PHACTR2: variants seen among roughly 807,000 people sequenced by gnomAD.
PHACTR2 encodes chromosome 6 open reading frame 56.
In PHACTR2, 30 loss-of-function variants were observed where a neutral mutation model predicts 76.0. That is an observed-to-expected ratio of 0.39 (90% confidence interval 0.30 to 0.54). The LOEUF (loss-of-function observed/expected upper bound fraction) is 0.54. PHACTR2 is among the 20% of genes least tolerant of loss of function. The probability of loss-of-function intolerance (pLI) is 0.61; values close to 1 mark genes in which losing one functional copy is unlikely to be tolerated. For missense variants in PHACTR2, 696 were observed against 781.1 expected (o/e 0.89, Z 1.30); for synonymous variants, 292 against 292.5 (o/e 1.00, Z 0.02).
At position 143,828,082 on chromosome 6, in the gene PHACTR2, GGA is replaced by G. The variant is rs1776583876; in HGVS notation, c.*4395_*4396del. On this transcript the variant is annotated 3_prime_UTR_variant, in exon 13 of 13. Coordinates refer to ENST00000440869, the MANE Select transcript of PHACTR2 (RefSeq NM_001100164.2). This position sits in a 1 kb window ranked among gnomAD's most constrained non-coding sequence, Gnocchi z 4.7. Reference sequence around the variant, plus strand: ...GGGAAATCGCTTAAACCCGGGAGGTGGAGGTTGCAGTGGGCCCAGATCGTGCC... The same window carrying G: ...GGGAAATCGCTTAAACCCGGGAGGTGGGTTGCAGTGGGCCCAGATCGTGCC... 6.6e-6 allele frequency: 1 copy of G among 152,098 alleles called. No individual in the cohort carries two copies. The highest frequency in any genetic ancestry group is 2.4e-5 in the African/African-American group (1 of 41,376). The allele number at this position is 152,098 out of a possible 1,614,324, so 9.4% of individuals were successfully genotyped here.
intron 1 of PHACTR2, among the ~76,000 whole-genome samples, chr6:143,651,959 C>G (rs1776770605): frequency 6.6e-6 from 1 of 151,606 alleles, no homozygotes; most frequent in African/African-American, 2.4e-5. Context: ...GAAAAGGCAG[C>G]CACCTACAAA....
In PHACTR2 at chr6:143,764,223, C is replaced by A. The variant is rs996306950; in HGVS notation, c.695-1038C>A. Among the ~76,000 whole-genome samples, 4 of 152,162 alleles carry A rather than the reference C, an allele frequency of 2.6e-5. No individual in the cohort carries two copies. Among genetic ancestry groups the A allele is most frequent in the South Asian group, 2.1e-4 (1 of 4,826 alleles). On this transcript the variant is annotated intron_variant, in intron 5 of 12. Transcript: ENST00000440869. This position sits in a 1 kb window ranked among gnomAD's most constrained non-coding sequence, Gnocchi z 4.7. ...CCTTTCCATTCACATTATTTAGAAC[C>A]AGACACGGTGGCTCACACCTGTAAT...
Position 143,783,312 on chromosome 6 carries a change from G to C in PHACTR2, c.1707+32G>C. On this transcript the variant is annotated intron_variant, in intron 10 of 12. Coordinates refer to ENST00000440869, the MANE Select transcript of PHACTR2 (RefSeq NM_001100164.2). The surrounding 1 kb of genome is among the most constrained non-coding windows in gnomAD (Gnocchi z 5.2). ...AAATCATAACTATTAATGAGCATAT[G>C]TGTTTTGAGATATACTTTTAAAAAA... 1 of 1,355,196 alleles carries C rather than the reference G, an allele frequency of 7.4e-7. No individual in the cohort carries two copies. Among genetic ancestry groups the C allele is most frequent in the Non-Finnish European group, 1.1e-6 (1 of 948,304 alleles). The allele number at this position is 1,355,196 out of a possible 1,614,324, so 83.9% of individuals were successfully genotyped here.
In PHACTR2 at chr6:143,678,907, A is replaced by G. The variant is rs1777320543; in HGVS notation, c.46+698A>G. Reference sequence around the variant, plus strand: ...TTTCTTAAACAAAAAGAGGGAAGGAAGGTACGTCTGGCATTTCCCCGACAG... The same window carrying G: ...TTTCTTAAACAAAAAGAGGGAAGGAGGGTACGTCTGGCATTTCCCCGACAG... On this transcript the variant is annotated intron_variant, in intron 1 of 12. Transcript: ENST00000440869. This position sits in a 1 kb window ranked among gnomAD's most constrained non-coding sequence, Gnocchi z 6.2. Among the ~76,000 whole-genome samples, 1 of 151,966 alleles carries G rather than the reference A, an allele frequency of 6.6e-6. No individual in the cohort carries two copies. Among genetic ancestry groups the G allele is most frequent in the Admixed American group, 6.5e-5 (1 of 15,270 alleles).
Position 143,787,760 on chromosome 6 carries a change from T to TA in PHACTR2, c.1708-1003dup, listed in dbSNP as rs561041078. Among the ~76,000 whole-genome samples, 3,689 of 147,754 alleles carry TA rather than the reference T, an allele frequency of 0.025. 65 individuals carry two copies. Among genetic ancestry groups the TA allele is most frequent in the Non-Finnish European group, 0.039 (2,591 of 66,686 alleles). On this transcript the variant is annotated intron_variant, in intron 10 of 12. Coordinates refer to ENST00000440869, the MANE Select transcript of PHACTR2 (RefSeq NM_001100164.2). This position sits in a 1 kb window ranked among gnomAD's most constrained non-coding sequence, Gnocchi z 4.6. ...AGACCCCCCACCCACTCTGTTTAAA[T>TA]AAAAAAAAAATAAGCAATATCTCCG...
chr6:143,545,614 A>C (rs1321597656), intron 1 of PHACTR2, among the ~76,000 whole-genome samples: 1 of 152,192 alleles, frequency 6.6e-6, no homozygotes, highest in African/African-American at 2.4e-5. Context: ...TAATCCACCC[A>C]AGTCCCTCAG....
chr6:143,686,463 G>C (rs1236251981), intron 1 of PHACTR2, among the ~76,000 whole-genome samples: 1 of 147,996 alleles, frequency 6.8e-6, no homozygotes, highest in Non-Finnish European at 1.5e-5. Context: ...CACACACATA[G>C]AGGAGAGGAA....
Position 143,772,414 on chromosome 6 carries a change from C to T in PHACTR2, c.1389C>T (p.Thr463=), listed in dbSNP as rs369058248. ...DSDSDGPILY[T]DDEDEDEDED... The stretch of plus-strand genomic sequence containing the variant: ...ACTCGGACGGGCCTATCTTGTACAC[C>T]GATGATGAGGACGAAGACGAAGATG... The change falls in exon 7 of 13, where the codon ACC becomes ACT. Residue 463 remains threonine (T), a synonymous_variant. Transcript: ENST00000440869. The surrounding 1 kb of genome is among the most constrained non-coding windows in gnomAD (Gnocchi z 5.4). 125 of 1,613,868 alleles carry T rather than the reference C, an allele frequency of 7.7e-5. No homozygotes were observed. The highest frequency in any genetic ancestry group is 8.3e-5 in the Non-Finnish European group (98 of 1,179,998).
Position 143,739,555 on chromosome 6 carries a change from C to T in PHACTR2, c.215-9430C>T, listed in dbSNP as rs1286330663. On this transcript the variant is annotated intron_variant, in intron 2 of 12. Transcript: ENST00000440869. This position sits in a 1 kb window ranked among gnomAD's most constrained non-coding sequence, Gnocchi z 4.3. ...GGAAACACGCAAGCTTTTCTTTGAA[C>T]TAGATGAATTCAAAAACACCTGTCT... 6.6e-6 allele frequency among the ~76,000 whole-genome samples: 1 copy of T among 152,186 alleles called. No homozygotes were observed. The highest frequency in any genetic ancestry group is 6.5e-5 in the Admixed American group (1 of 15,282).
chr6:143,787,293 T>C lies in PHACTR2; in HGVS notation c.1708-1480T>C, dbSNP rs1456263452. On this transcript the variant is annotated intron_variant, in intron 10 of 12. Coordinates refer to ENST00000440869, the MANE Select transcript of PHACTR2 (RefSeq NM_001100164.2). This position sits in a 1 kb window ranked among gnomAD's most constrained non-coding sequence, Gnocchi z 4.6. ...ATTGGTCACTTTCCTTCTAGCCAGTTCTTAGGAGCAAGGGCTTCTCTACCT... is the reference window on the plus strand; with the variant it reads ...ATTGGTCACTTTCCTTCTAGCCAGTCCTTAGGAGCAAGGGCTTCTCTACCT... 1.3e-5 allele frequency among the ~76,000 whole-genome samples: 2 copies of C among 152,228 alleles called. No individual in the cohort carries two copies. Among genetic ancestry groups the C allele is most frequent in the Non-Finnish European group, 1.5e-5 (1 of 68,034 alleles).
chr6:143,594,487 T>C (rs781369281), intron 1 of PHACTR2, among the ~76,000 whole-genome samples: 1 of 152,236 alleles, frequency 6.6e-6, no homozygotes, highest in African/African-American at 2.4e-5. Context: ...GCTGTTCACC[T>C]GAAAAACCAT....
intron 1 of PHACTR2, among the ~76,000 whole-genome samples, chr6:143,638,217 C>A (rs903796427): frequency 6.6e-6 from 1 of 152,098 alleles, no homozygotes; most frequent in Non-Finnish European, 1.5e-5. Flanking sequence ...TTGGCAGTTA[C>A]AAATTCAGTG....
rs1776503366 is a variant in PHACTR2, at chr6:143,824,917, G to C, written c.*1228G>C. ...AGATGGCATCCATAGATACAGTACA[G>C]TATTTACTGTCAATGCAAAAGAATC... On this transcript the variant is annotated 3_prime_UTR_variant, in exon 13 of 13. Coordinates refer to ENST00000440869, the MANE Select transcript of PHACTR2 (RefSeq NM_001100164.2). The surrounding 1 kb of genome is among the most constrained non-coding windows in gnomAD (Gnocchi z 6.3). The C allele has an allele frequency of 6.6e-6, 1 of 152,548 alleles. No individual in the cohort carries two copies. The highest frequency in any genetic ancestry group is 2.1e-4 in the South Asian group (1 of 4,832). The allele number at this position is 152,548 out of a possible 1,614,324, so 9.4% of individuals were successfully genotyped here. A position where few individuals can be genotyped will look rare whatever the true frequency, so the allele number is the denominator to read the frequency against.
chr6:143,546,403 T>C lies in PHACTR2; in HGVS notation c.217+9196T>C, dbSNP rs1774996800. ...TATCTCTCTCTAGAACTTTGGACTG[T>C]GGCTAGGGCAAGAATGTCAGAGGTA... On this transcript the variant is annotated intron_variant, in intron 1 of 11. Transcript: ENST00000367584. This position sits in a 1 kb window ranked among gnomAD's most constrained non-coding sequence, Gnocchi z 4.9. 6.6e-6 allele frequency among the ~76,000 whole-genome samples: 1 copy of C among 151,954 alleles called. No individual in the cohort carries two copies. Among genetic ancestry groups the C allele is most frequent in the Non-Finnish European group, 1.5e-5 (1 of 67,990 alleles).
At chr6:143,649,931 C>A (rs1404891018) in intron 1 of PHACTR2, among the ~76,000 whole-genome samples, 3 of 151,886 alleles carry the variant, frequency 2.0e-5, no homozygotes, top group Non-Finnish European at 2.9e-5. Flanking sequence ...GATCCCATAT[C>A]TAGAAAACTC....
chr6:143,693,385 GCACCACCA>G (rs1777694613), intron 1 of PHACTR2, among the ~76,000 whole-genome samples: 1 of 151,914 alleles, frequency 6.6e-6, no homozygotes, highest in African/African-American at 2.4e-5. Context: ...CTACAGGCAC[GCACCACCA>G]CACCTGGCTA....
intron 1 of PHACTR2, among the ~76,000 whole-genome samples, chr6:143,702,397 G>A (rs887386401): frequency 5.9e-5 from 9 of 152,158 alleles, no homozygotes; most frequent in African/African-American, 1.7e-4. Flanking sequence ...GTGAGCCACG[G>A]CACCCAGCCT....
At chr6:143,726,733 A>G (rs1286670270) in intron 2 of PHACTR2, among the ~76,000 whole-genome samples, 5 of 152,136 alleles carry the variant, frequency 3.3e-5, no homozygotes, top group Non-Finnish European at 7.4e-5. Flanking sequence ...AATTAGTTTT[A>G]TGTTAACCAT....
In PHACTR2 at chr6:143,678,316, C is replaced by A. The variant is rs180873512; in HGVS notation, c.46+107C>A. ...CGTCTGGTCGGGTTCCGCTCGGACCCGCCAAGTCCCTCGGAGAAACCCCAG... is the reference window on the plus strand; with the variant it reads ...CGTCTGGTCGGGTTCCGCTCGGACCAGCCAAGTCCCTCGGAGAAACCCCAG... On this transcript the variant is annotated intron_variant, in intron 1 of 12. Coordinates refer to ENST00000440869, the MANE Select transcript of PHACTR2 (RefSeq NM_001100164.2). The surrounding 1 kb of genome is among the most constrained non-coding windows in gnomAD (Gnocchi z 6.2). 2.9e-6 allele frequency: 3 copies of A among 1,043,824 alleles called. No homozygotes were observed. 64.7% of individuals were successfully genotyped at this position (1,043,824 alleles called of 1,614,324 possible). A position where few individuals can be genotyped will look rare whatever the true frequency, so the allele number is the denominator to read the frequency against.
Sources: allele counts gnomAD v4.1 joint callset (sites outside exome capture counted in the v4.1 genomes callset), GRCh38; gene constraint gnomAD v4.1.1; non-coding constraint Gnocchi (gnomAD v3.1); transcripts MANE v1.5; gene names NCBI Gene and HGNC (gene_info 2026-07-23, HGNC 2026-07-21).